SULF1: variants seen among roughly 807,000 people sequenced by gnomAD.
SULF1 encodes the protein extracellular sulfatase Sulf-1.
Under a neutral mutation model 110.5 loss-of-function variants are expected in SULF1, and 46 were observed. The ratio of observed to expected loss-of-function variants is 0.42; its 90% CI spans 0.33 to 0.53. The LOEUF (loss-of-function observed/expected upper bound fraction) is 0.53, where lower values mean the gene tolerates loss of function less well. Ranked by LOEUF, SULF1 falls within the 20% of genes least tolerant of loss-of-function variation. The pLI, the probability that SULF1 is intolerant of heterozygous loss-of-function variation, is 0.12. For missense variants in SULF1, 941 were observed against 1,094.2 expected, an observed-to-expected ratio of 0.86 and a Z score of 1.98; for synonymous variants, 371 against 387.1, an observed-to-expected ratio of 0.96 and a Z score of 0.49.
At chr8:69,533,531 G>A in intron 3 of SULF1, among the ~76,000 whole-genome samples, 1 of 152,134 alleles carries the variant, frequency 6.6e-6, no homozygotes, top group Non-Finnish European at 1.5e-5. Context: ...GCATTAGTTT[G>A]CTGAGGATAA....
chr8:69,569,828 C>T (rs1040771107), intron 5 of SULF1, among the ~76,000 whole-genome samples: 1 of 151,778 alleles, frequency 6.6e-6, no homozygotes, highest in Non-Finnish European at 1.5e-5. Context: ...CTCTTTTTTC[C>T]CTTCTTCTCC....
intron 19 of SULF1, among the ~76,000 whole-genome samples, chr8:69,631,748 C>T (rs753958530): frequency 2.0e-5 from 3 of 152,250 alleles, no homozygotes; most frequent in Non-Finnish European, 4.4e-5. Flanking sequence ...CCCTGGAAGG[C>T]TCTTGCCCAC....
At chr8:69,471,419 C>T (rs530408043) in intron 1 of SULF1, among the ~76,000 whole-genome samples, 1 of 151,480 alleles carries the variant, frequency 6.6e-6, no homozygotes, top group African/African-American at 2.4e-5. Context: ...AAAAATGAAA[C>T]TCAGTGGGTT....
intron 13 of SULF1, 83 bp downstream of exon 13, chr8:69,605,015 T>C: frequency 1.3e-6 from 2 of 1,562,762 alleles, no homozygotes; most frequent in Non-Finnish European, 1.7e-6. Flanking sequence ...TAAAAGAATG[T>C]ACATTTGTGT....
chr8:69,575,277 C>G (rs1306654724), intron 5 of SULF1, among the ~76,000 whole-genome samples: 1 of 151,946 alleles, frequency 6.6e-6, no homozygotes, highest in Non-Finnish European at 1.5e-5. Flanking sequence ...ATTTTACAAC[C>G]CTGCAAATAC....
At chr8:69,654,686 C>G (rs528678053) in intron 22 of SULF1, among the ~76,000 whole-genome samples, 69 of 152,322 alleles carry the variant, frequency 4.5e-4, no homozygotes, top group African/African-American at 1.6e-3. Context: ...CTCCTGCCCC[C>G]TCTCCTCTTA....
intron 3 of SULF1, among the ~76,000 whole-genome samples, chr8:69,533,270 G>A (rs1043493811): frequency 2.0e-5 from 3 of 152,140 alleles, no homozygotes; most frequent in African/African-American, 4.8e-5. Flanking sequence ...AAGTTCCAGG[G>A]TACATGTGCA....
At position 69,531,460 on chromosome 8, in the gene SULF1, C is replaced by G. The variant is rs373016672; in HGVS notation, c.-134+29492C>G. Among the ~76,000 whole-genome samples the G allele has an allele frequency of 3.2e-4, 48 of 152,260 alleles. 1 individual carries two copies. In the South Asian group the frequency reaches 7.3e-3, roughly 23 times the overall value. On this transcript the variant is annotated intron_variant, in intron 3 of 22. Coordinates refer to ENST00000402687, the MANE Select transcript of SULF1 (RefSeq NM_001128205.2). The stretch of plus-strand genomic sequence containing the variant: ...AACCAAGCCACCACCCACCTCTCCT[C>G]CACCTCAACTCACTAAGTGTTCTCT...
intron 1 of SULF1, among the ~76,000 whole-genome samples, chr8:69,477,267 G>A (rs939303609): frequency 3.3e-5 from 5 of 152,106 alleles, no homozygotes; most frequent in Non-Finnish European, 5.9e-5. Context: ...GACAGAAAAC[G>A]GGGGGAAAAA....
chr8:69,506,155 G>A (rs1483184571), intron 3 of SULF1, among the ~76,000 whole-genome samples: 2 of 151,892 alleles, frequency 1.3e-5, no homozygotes, highest in African/African-American at 2.4e-5. Flanking sequence ...TTTTAAATTT[G>A]TGCATTGTGT....
At chr8:69,506,285 A>G (rs1368935111) in intron 3 of SULF1, among the ~76,000 whole-genome samples, 2 of 151,954 alleles carry the variant, frequency 1.3e-5, no homozygotes, top group African/African-American at 4.8e-5. Flanking sequence ...TCACGTAGCC[A>G]TTCTGTTTAG....
chr8:69,643,633 A>T (rs1811654115), intron 22 of SULF1, among the ~76,000 whole-genome samples: 1 of 152,192 alleles, frequency 6.6e-6, no homozygotes, highest in Non-Finnish European at 1.5e-5. Flanking sequence ...GGGTTTTCAT[A>T]AAGCAAGTTT....
In SULF1 at chr8:69,571,556, A is replaced by G. The variant is rs141892139; in HGVS notation, c.173-4414A>G. ...CAGCTTTACAATTCATATCATTCCT[A>G]TGAAATAATTGTTGTAATAACTGAG... On this transcript the variant is annotated intron_variant, in intron 5 of 22. Coordinates refer to ENST00000402687, the MANE Select transcript of SULF1 (RefSeq NM_001128205.2). Among the ~76,000 whole-genome samples, 1,287 of 152,272 alleles carry G rather than the reference A, an allele frequency of 8.5e-3. 9 individuals carry two copies. The highest frequency in any genetic ancestry group is 0.012 in the Non-Finnish European group (809 of 68,020).
chr8:69,591,488 C>G (rs898645644), intron 8 of SULF1, among the ~76,000 whole-genome samples: 2 of 151,472 alleles, frequency 1.3e-5, no homozygotes, highest in African/African-American at 4.9e-5. Flanking sequence ...GGCATGAACC[C>G]GGGAGGCGGA....
In SULF1 at chr8:69,638,643, A is replaced by C; in HGVS notation, c.2426A>C (p.Gln809Pro). The C allele has an allele frequency of 6.2e-7, 1 of 1,611,716 alleles. No homozygotes were observed. Among genetic ancestry groups the C allele is most frequent in the Non-Finnish European group, 8.5e-7 (1 of 1,179,446 alleles). Residue 809 changes from glutamine (Q) to proline (P), a missense_variant and splice_region_variant, in exon 20 of 23, where the codon CAG (glutamine) becomes CCG (proline). This residue lies in a region of SULF1 where 112 missense variants were observed against 133.5 expected (regional missense o/e 0.84). Transcript: ENST00000402687. ...TTTGATATGAATACAGATCCTTATC[A>C]GGTAAGACAATATATGTTCATTTTA... The part of the protein sequence containing the change: ...EYFDMNTDPY[Q>P]LTNTVHTVER...
At chr8:69,619,853 GGGCGGGTGCCGAC>G in intron 13 of SULF1, among the ~76,000 whole-genome samples, 1 of 152,192 alleles carries the variant, frequency 6.6e-6, no homozygotes, top group South Asian at 2.1e-4. Context: ...TAGTATCTAG[GGGCGGGTGCCGAC>G]GGCCCCAGTG....
At chr8:69,565,502 C>A (rs1815815419) in intron 5 of SULF1, among the ~76,000 whole-genome samples, 1 of 152,064 alleles carries the variant, frequency 6.6e-6, no homozygotes, top group Non-Finnish European at 1.5e-5. Flanking sequence ...GACCTCACAC[C>A]TGAACTCACC....
At chr8:69,528,915 T>C (rs1812886335) in intron 3 of SULF1, among the ~76,000 whole-genome samples, 1 of 152,104 alleles carries the variant, frequency 6.6e-6, no homozygotes, top group African/African-American at 2.4e-5. Flanking sequence ...TCACGGATCA[T>C]AGAAAAAGAA....
intron 19 of SULF1, among the ~76,000 whole-genome samples, chr8:69,634,151 G>T (rs1586601883): frequency 1.3e-5 from 2 of 152,154 alleles, no homozygotes; most frequent in East Asian, 3.9e-4. Context: ...GATCTAATCT[G>T]GTTCATTCAA....
Sources: gnomAD v4.1 joint callset for allele counts (sites outside exome capture counted in the v4.1 genomes callset) on GRCh38, gnomAD v4.1.1 for gene constraint, gnomAD v4.1.1 regional missense constraint, MANE v1.5 for transcripts, NCBI Gene and HGNC (gene_info 2026-07-23, HGNC 2026-07-21) for gene names.